Variants in ROCK2 observed in about 807,000 individuals in gnomAD.
ROCK2 encodes rho-associated protein kinase 2.
In ROCK2, 61 loss-of-function variants were observed where a neutral mutation model predicts 195.1. The ratio of observed to expected loss-of-function variants is 0.31; its 90% CI spans 0.25 to 0.39. ROCK2 has a LOEUF of 0.39. Among genes scored for constraint, ROCK2 ranks in the 10% least tolerant of loss-of-function variants. The probability of loss-of-function intolerance (pLI) is 1.00; values close to 1 mark genes in which losing one functional copy is unlikely to be tolerated. For missense variants in ROCK2, 1,109 were observed against 1,637.4 expected (o/e 0.68, Z 5.57); for synonymous variants, 504 against 545.5 (o/e 0.92, Z 1.06).
intron 1 of ROCK2, among the ~76,000 whole-genome samples, chr2:11,340,142 G>C (rs1056461802): frequency 1.2e-4 from 18 of 151,946 alleles, no homozygotes; most frequent in African/African-American, 4.1e-4. Context: ...AAATGTTTCC[G>C]AACTCAGAAT....
chr2:11,292,375 ATAAGT>A (rs983218052), intron 1 of ROCK2, among the ~76,000 whole-genome samples: 2 of 152,204 alleles, frequency 1.3e-5, no homozygotes, highest in African/African-American at 4.8e-5. Flanking sequence ...CTCACAGCAT[ATAAGT>A]TAATACTATT....
Position 11,192,735 on chromosome 2 carries a change from A to T in ROCK2, c.3688-23T>A, listed in dbSNP as rs1663476985. On this transcript the variant is annotated intron_variant, in intron 30 of 32. Coordinates refer to ENST00000315872, the MANE Select transcript of ROCK2 (RefSeq NM_004850.5). The surrounding 1 kb of genome is among the most constrained non-coding windows in gnomAD (Gnocchi z 5.0). ...AATCTATGAATGCCAAAAGAACAAT[A>T]AGTGATTTCCAAACATGCTATTTTT... 4 of 1,588,176 alleles carry T rather than the reference A, an allele frequency of 2.5e-6. No homozygotes were observed. Among genetic ancestry groups the T allele is most frequent in the Non-Finnish European group, 3.4e-6 (4 of 1,167,462 alleles).
At chr2:11,209,224 C>T (rs1314698257) in intron 18 of ROCK2, among the ~76,000 whole-genome samples, 1 of 152,142 alleles carries the variant, frequency 6.6e-6, no homozygotes, top group Non-Finnish European at 1.5e-5. Context: ...AAGGACAAGA[C>T]TCTGGAACCA....
At chr2:11,287,981 A>T (rs1056747832) in intron 1 of ROCK2, among the ~76,000 whole-genome samples, 18 of 152,314 alleles carry the variant, frequency 1.2e-4, no homozygotes, top group Middle Eastern at 3.4e-3. Flanking sequence ...TGTAATTTCA[A>T]AACATGTATC....
At chr2:11,208,997 G>A (rs1664158310) in intron 18 of ROCK2, among the ~76,000 whole-genome samples, 1 of 152,104 alleles carries the variant, frequency 6.6e-6, no homozygotes, top group Non-Finnish European at 1.5e-5. Flanking sequence ...CTATTCTAAT[G>A]GAAGCAAGAT....
In ROCK2 at chr2:11,286,511, GAAC is replaced by G. The variant is rs1299270791; in HGVS notation, c.324+25_324+27del. 2.2e-6 allele frequency: 3 copies of G among 1,363,722 alleles called. No homozygotes were observed. The East Asian group carries it at 6.9e-5, about 31-fold the overall frequency. The allele number at this position is 1,363,722 out of a possible 1,614,324, so 84.5% of individuals were successfully genotyped here. ...CTTCACAAAACCATGATGTCATAGA[GAAC>G]AATAAGAACAAAACACTTTCTTACC... On this transcript the variant is annotated intron_variant, in intron 3 of 32. Transcript: ENST00000315872.
rs377022888 is a variant in ROCK2, at chr2:11,291,612, A to AG, written c.142-3877dup. On this transcript the variant is annotated intron_variant, in intron 1 of 32. Coordinates refer to ENST00000315872, the MANE Select transcript of ROCK2 (RefSeq NM_004850.5). ...AATGCTTCAAAAAAATAAAAATAAA[A>AG]GGAGATTGGAAATACTCTGCCAACC... 1.7e-3 allele frequency among the ~76,000 whole-genome samples: 262 copies of AG among 152,328 alleles called. 1 individual carries two copies. The highest frequency in any genetic ancestry group is 6.0e-3 in the African/African-American group (250 of 41,580).
In ROCK2 at chr2:11,235,669, A is replaced by T; in HGVS notation, c.723+33T>A. The T allele has an allele frequency of 6.4e-7, 1 of 1,571,758 alleles. No homozygotes were observed. Among genetic ancestry groups the T allele is most frequent in the Non-Finnish European group, 8.6e-7 (1 of 1,159,688 alleles). ...TATTTCATTTATTTCTGTCCCTCAA[A>T]ACACTATCGTTTTAAATAATTTGCT... On this transcript the variant is annotated intron_variant, in intron 5 of 32. Transcript: ENST00000315872. This position sits in a 1 kb window ranked among gnomAD's most constrained non-coding sequence, Gnocchi z 4.2.
intron 4 of ROCK2, among the ~76,000 whole-genome samples, chr2:11,245,252 T>C (rs1436278631): frequency 6.7e-6 from 1 of 149,036 alleles, no homozygotes; most frequent in Non-Finnish European, 1.5e-5. Flanking sequence ...TTTATAAAAT[T>C]ATATTATAAA....
chr2:11,281,318 G>A (rs1666995945), intron 3 of ROCK2, among the ~76,000 whole-genome samples: 1 of 150,970 alleles, frequency 6.6e-6, no homozygotes, highest in Non-Finnish European at 1.5e-5. Flanking sequence ...TAAGAAACTA[G>A]CTTTCCCACT....
intron 32 of ROCK2, among the ~76,000 whole-genome samples, chr2:11,190,365 T>A (rs1371031120): frequency 3.0e-4 from 44 of 145,124 alleles, no homozygotes; most frequent in African/African-American, 1.1e-3. Flanking sequence ...CAGAAGTTTT[T>A]TAAAAAAAAA....
intron 1 of ROCK2, among the ~76,000 whole-genome samples, chr2:11,317,595 T>A (rs1421502301): frequency 1.9e-4 from 3 of 15,962 alleles, no homozygotes; most frequent in African/African-American, 6.1e-4. Context: ...TATATATATA[T>A]ATATATATAT....
intron 11 of ROCK2, chr2:11,217,475 CT>C (rs1664474202): frequency 2.4e-6 from 1 of 408,976 alleles, no homozygotes; most frequent in African/African-American, 2.1e-5. Flanking sequence ...AGAATACCAC[CT>C]CAGATATCTT....
At chr2:11,204,777 C>A (rs1338961322) in intron 20 of ROCK2, among the ~76,000 whole-genome samples, 1 of 152,168 alleles carries the variant, frequency 6.6e-6, no homozygotes, top group Non-Finnish European at 1.5e-5. Flanking sequence ...GAAGCAGTAT[C>A]TCCTGAAATC....
At chr2:11,240,973 T>C (rs1210338713) in intron 4 of ROCK2, among the ~76,000 whole-genome samples, 3 of 152,146 alleles carry the variant, frequency 2.0e-5, no homozygotes, top group African/African-American at 7.2e-5. Context: ...AACTCTAAAT[T>C]TACCACAGCT....
At position 11,305,487 on chromosome 2, in the gene ROCK2, A is replaced by G. The variant is rs564994434; in HGVS notation, c.142-17751T>C. Among the ~76,000 whole-genome samples the G allele has an allele frequency of 1.5e-3, 224 of 151,416 alleles. 1 individual carries two copies. The highest frequency in any genetic ancestry group is 2.9e-3 in the Non-Finnish European group (196 of 67,812). The stretch of plus-strand genomic sequence containing the variant: ...CACACACACACACACACTTACGTGC[A>G]TGCACATGCTTCCTGGATGTGACCA... On this transcript the variant is annotated intron_variant, in intron 1 of 32. Transcript: ENST00000315872.
intron 1 of ROCK2, among the ~76,000 whole-genome samples, chr2:11,341,628 T>C (rs995679215): frequency 1.3e-5 from 2 of 151,968 alleles, no homozygotes. Flanking sequence ...TCTGAGCTCC[T>C]GAATGTAGTG....
chr2:11,207,089 T>C (rs1383816775), intron 20 of ROCK2, among the ~76,000 whole-genome samples: 1 of 152,168 alleles, frequency 6.6e-6, no homozygotes, highest in African/African-American at 2.4e-5. Context: ...ACTATATATT[T>C]TATCTTTTTT....
In ROCK2 at chr2:11,201,532, C is replaced by T; in HGVS notation, c.2620-119G>A. 1.6e-6 allele frequency: 1 copy of T among 637,110 alleles called. No homozygotes were observed. Among genetic ancestry groups the T allele is most frequent in the Non-Finnish European group, 2.8e-6 (1 of 360,778 alleles). 39.5% of individuals were successfully genotyped at this position (637,110 alleles called of 1,614,324 possible). A position where few individuals can be genotyped will look rare whatever the true frequency, so the allele number is the denominator to read the frequency against. ...TACAAATATTTTCTTACTGCTAAGTCCCCGAGCAAATGAATAGTTTAATGA... is the reference window on the plus strand; with the variant it reads ...TACAAATATTTTCTTACTGCTAAGTTCCCGAGCAAATGAATAGTTTAATGA... On this transcript the variant is annotated intron_variant, in intron 21 of 32. Coordinates refer to ENST00000315872, the MANE Select transcript of ROCK2 (RefSeq NM_004850.5). The surrounding 1 kb of genome is among the most constrained non-coding windows in gnomAD (Gnocchi z 4.6).
Sources: gnomAD v4.1 joint callset for allele counts (sites outside exome capture counted in the v4.1 genomes callset) on GRCh38, gnomAD v4.1.1 for gene constraint, Gnocchi (gnomAD v3.1) non-coding constraint, MANE v1.5 for transcripts, NCBI Gene and HGNC (gene_info 2026-07-23, HGNC 2026-07-21) for gene names.